Variants in SPATS2 observed in about 807,000 individuals in gnomAD.
SPATS2 encodes the protein spermatogenesis-associated serine-rich protein 2.
A neutral mutation model predicts 63.7 loss-of-function variants in SPATS2; 38 were observed. The ratio of observed to expected loss-of-function variants is 0.60; its 90% CI spans 0.46 to 0.78. The LOEUF is 0.78. Among genes scored for constraint, SPATS2 ranks in the 30% least tolerant of loss-of-function variants. The pLI is 0.00. For synonymous variants in SPATS2, 207 were observed against 232.9 expected, an observed-to-expected ratio of 0.89 and a Z score of 1.01; for missense variants, 588 against 666.2, an observed-to-expected ratio of 0.88 and a Z score of 1.29.
chr12:49,515,594 A>G (rs1946824816), intron 10 of SPATS2, among the ~76,000 whole-genome samples: 1 of 152,216 alleles, frequency 6.6e-6, no homozygotes, highest in South Asian at 2.1e-4. Flanking sequence ...ATTTCATTAC[A>G]TTGAGCAATA....
intron 2 of SPATS2, among the ~76,000 whole-genome samples, chr12:49,417,012 A>C (rs1018642882): frequency 1.3e-5 from 2 of 152,198 alleles, no homozygotes; most frequent in African/African-American, 2.4e-5. Context: ...CAGGGAGATG[A>C]AAGATGGCCT....
chr12:49,512,114 T>A (rs1946763421), intron 9 of SPATS2, among the ~76,000 whole-genome samples: 1 of 152,230 alleles, frequency 6.6e-6, no homozygotes, highest in Admixed American at 6.5e-5. Context: ...AATAAGAAAT[T>A]TACTATTAAA....
intron 2 of SPATS2, among the ~76,000 whole-genome samples, chr12:49,425,557 C>T (rs762616782): frequency 3.3e-5 from 5 of 151,990 alleles, no homozygotes; most frequent in Non-Finnish European, 7.4e-5. Flanking sequence ...TGGGATCAAG[C>T]GATCCATCTA....
rs944116239 is a variant in SPATS2 at position 49,494,891 on chromosome 12, A to G, written c.415A>G (p.Asn139Asp). 1.9e-6 allele frequency: 3 copies of G among 1,614,052 alleles called. No homozygotes were observed. The Admixed American group carries it at 5.0e-5, about 27-fold the overall frequency. Residue 139 changes from asparagine (N) to aspartate (D), a missense_variant, in exon 7 of 14, where the codon AAT (asparagine) becomes GAT (aspartate). Physicochemically the swap from Asn to Asp is conservative, Grantham distance 23 (BLOSUM62 1). Transcript: ENST00000552918. ...MNGYHVNGAI[N>D]DTESVDSLSE... ...TGGCTACCATGTCAATGGTGCCATC[A>G]ATGACACTGAGTCTGTGGACTCACT...
At position 49,411,481 on chromosome 12, in the gene SPATS2, C is replaced by G. The variant is rs974459264; in HGVS notation, c.-244+40191C>G. 2.6e-5 allele frequency among the ~76,000 whole-genome samples: 4 copies of G among 151,918 alleles called. 1 individual carries two copies. In the South Asian group the frequency reaches 8.4e-4, roughly 32 times the overall value. ...AGTAAATAAATATTTTTGGTCCCCCCCAAAAAAGAAAAGTTTATTAAAATA... is the reference window on the plus strand; with the variant it reads ...AGTAAATAAATATTTTTGGTCCCCCGCAAAAAAGAAAAGTTTATTAAAATA... On this transcript the variant is annotated intron_variant, in intron 2 of 13. Coordinates refer to ENST00000552918, the MANE Select transcript of SPATS2 (RefSeq NM_023071.4).
intron 3 of SPATS2, among the ~76,000 whole-genome samples, chr12:49,468,682 A>G (rs879443919): frequency 1.3e-4 from 20 of 148,300 alleles, no homozygotes; most frequent in Non-Finnish European, 2.2e-4. Flanking sequence ...TCACCATGTT[A>G]CCCAGGCTGG....
intron 6 of SPATS2, 71 bp downstream of exon 6, chr12:49,490,802 A>G: frequency 7.0e-7 from 1 of 1,424,740 alleles, no homozygotes; most frequent in Non-Finnish European, 9.7e-7. Flanking sequence ...CTGCAAAAAT[A>G]TTTGAAAGAA....
At chr12:49,372,756 A>AT (rs1944020271) in intron 2 of SPATS2, among the ~76,000 whole-genome samples, 1 of 152,066 alleles carries the variant, frequency 6.6e-6, no homozygotes, top group Admixed American at 6.6e-5. Context: ...TGCTTTAAAT[A>AT]TTTCGAGCGG....
chr12:49,509,421 C>T (rs1176530451), intron 9 of SPATS2, among the ~76,000 whole-genome samples: 1 of 151,344 alleles, frequency 6.6e-6, no homozygotes, highest in African/African-American at 2.4e-5. Context: ...ATTGGGATTA[C>T]AGGCGCACGC....
At chr12:49,385,391 G>GTGTGTGT (rs1461878066) in intron 2 of SPATS2, among the ~76,000 whole-genome samples, 1 of 114,360 alleles carries the variant, frequency 8.7e-6, no homozygotes, top group Non-Finnish European at 1.8e-5. Context: ...TGTGTGTGTG[G>GTGTGTGT]CAGAGACAGA....
intron 2 of SPATS2, among the ~76,000 whole-genome samples, chr12:49,425,170 T>C (rs1945051852): frequency 6.6e-6 from 1 of 152,144 alleles, no homozygotes; most frequent in Non-Finnish European, 1.5e-5. Flanking sequence ...AAGCAATGAG[T>C]ACAAACCCTT....
At chr12:49,379,122 A>G (rs1425934443) in intron 2 of SPATS2, among the ~76,000 whole-genome samples, 3 of 148,854 alleles carry the variant, frequency 2.0e-5, no homozygotes, top group African/African-American at 7.5e-5. Context: ...GGGTTTCTCC[A>G]TGTTGGTCAG....
chr12:49,416,970 T>TGTCA (rs1471075345), intron 2 of SPATS2, among the ~76,000 whole-genome samples: 1 of 152,198 alleles, frequency 6.6e-6, no homozygotes, highest in East Asian at 1.9e-4. Context: ...CTAGACAACG[T>TGTCA]GTCAGGCTTT....
intron 9 of SPATS2, among the ~76,000 whole-genome samples, chr12:49,502,749 G>A (rs567723795): frequency 5.3e-5 from 8 of 152,214 alleles, no homozygotes; most frequent in Admixed American, 2.0e-4. Context: ...AAGCCACTGC[G>A]CCTGGCTGTC....
intron 2 of SPATS2, chr12:49,406,621 G>A (rs1464571533): frequency 2.6e-5 from 4 of 151,872 alleles, no homozygotes; most frequent in Non-Finnish European, 5.9e-5. Flanking sequence ...TTTCTTTTCT[G>A]TTTACTCCTT....
chr12:49,438,468 A>G (rs1049305125), intron 2 of SPATS2, among the ~76,000 whole-genome samples: 1 of 152,192 alleles, frequency 6.6e-6, no homozygotes, highest in African/African-American at 2.4e-5. Flanking sequence ...TTGCTGGGTC[A>G]TAAGATGGGC....
At chr12:49,378,236 G>A (rs576185938) in intron 2 of SPATS2, among the ~76,000 whole-genome samples, 22 of 151,332 alleles carry the variant, frequency 1.5e-4, no homozygotes, top group Non-Finnish European at 3.1e-4. Flanking sequence ...CTCCCAAAGT[G>A]CTGGGATATT....
intron 5 of SPATS2, 64 bp downstream of exon 5, chr12:49,489,637 T>C (rs1946351853): frequency 7.2e-7 from 1 of 1,396,334 alleles, no homozygotes; most frequent in East Asian, 2.5e-5. Flanking sequence ...CTTCAGACTT[T>C]TATAACATTC....
intron 3 of SPATS2, chr12:49,469,389 CAAAAAAAAAAA>C (rs779364300): frequency 3.0e-5 from 2 of 66,934 alleles, no homozygotes; most frequent in Admixed American, 2.7e-4. Flanking sequence ...GACTCTGTCT[CAAAAAAAAAAA>C]AAAAAAAAAA....
Sources: allele counts gnomAD v4.1 joint callset (sites outside exome capture counted in the v4.1 genomes callset), GRCh38; gene constraint gnomAD v4.1.1; transcripts MANE v1.5; gene names NCBI Gene and HGNC (gene_info 2026-07-23, HGNC 2026-07-21).